Variants in CPQ observed in about 807,000 individuals in gnomAD.
The protein encoded by CPQ is Ser-Met dipeptidase.
Under a neutral mutation model 45.7 loss-of-function variants are expected in CPQ, and 37 were observed. That is an observed-to-expected ratio of 0.81 (90% confidence interval 0.62 to 1.07). The LOEUF is 1.07. Ranked by LOEUF, CPQ falls within the 50% of genes least tolerant of loss-of-function variation. The pLI, the probability that CPQ is intolerant of heterozygous loss-of-function variation, is 0.00. For missense variants in CPQ, 537 were observed against 572.9 expected (o/e 0.94, Z 0.64); for synonymous variants, 186 against 205.8 (o/e 0.90, Z 0.82).
At chr8:97,086,926 CAAAAG>C (rs1375651211) in intron 7 of CPQ, among the ~76,000 whole-genome samples, 1 of 152,250 alleles carries the variant, frequency 6.6e-6, no homozygotes, top group Non-Finnish European at 1.5e-5. Context: ...TTTTCCTACA[CAAAAG>C]AAAAGAAAGC....
chr8:96,874,529 T>A (rs1033398220), intron 3 of CPQ, among the ~76,000 whole-genome samples: 9 of 151,850 alleles, frequency 5.9e-5, no homozygotes, highest in Non-Finnish European at 1.0e-4. Context: ...ATTTCCTTTA[T>A]TGAATTTACA....
At chr8:97,014,031 C>G (rs564817482) in intron 5 of CPQ, among the ~76,000 whole-genome samples, 56 of 152,166 alleles carry the variant, frequency 3.7e-4, no homozygotes, top group Non-Finnish European at 6.9e-4. Context: ...AGGCAGATGA[C>G]TGCTATAGGT....
At chr8:96,883,242 G>T (rs1050913780) in intron 4 of CPQ, among the ~76,000 whole-genome samples, 10 of 152,122 alleles carry the variant, frequency 6.6e-5, no homozygotes, top group Non-Finnish European at 1.3e-4. Flanking sequence ...GAACATTCTT[G>T]TACTAGTCTT....
intron 4 of CPQ, among the ~76,000 whole-genome samples, chr8:96,889,472 T>A (rs1196646073): frequency 6.6e-6 from 1 of 152,160 alleles, no homozygotes; most frequent in African/African-American, 2.4e-5. Context: ...CTTTGCTGGG[T>A]GTATTAGGGT....
intron 2 of CPQ, among the ~76,000 whole-genome samples, chr8:96,814,126 C>A (rs1811195352): frequency 6.6e-6 from 1 of 151,736 alleles, no homozygotes; most frequent in African/African-American, 2.4e-5. Flanking sequence ...TGTCCACTTA[C>A]CTAAATCAAG....
At chr8:96,657,841 C>T (rs1815655394) in intron 1 of CPQ, among the ~76,000 whole-genome samples, 1 of 152,208 alleles carries the variant, frequency 6.6e-6, no homozygotes, top group Admixed American at 6.5e-5. Flanking sequence ...ACATACCTCT[C>T]TCCTTTCATA....
intron 2 of CPQ, among the ~76,000 whole-genome samples, chr8:96,800,636 T>C (rs1273381454): frequency 6.6e-6 from 1 of 152,054 alleles, no homozygotes; most frequent in Non-Finnish European, 1.5e-5. Context: ...TTGGAAGCAA[T>C]AGACTAATGT....
At chr8:96,777,437 G>T (rs1810619219) in intron 1 of CPQ, among the ~76,000 whole-genome samples, 1 of 151,900 alleles carries the variant, frequency 6.6e-6, no homozygotes, top group Non-Finnish European at 1.5e-5. Flanking sequence ...AAGGGAAGGA[G>T]GGAGAATTCC....
At chr8:97,090,574 T>G (rs1811110157) in intron 7 of CPQ, among the ~76,000 whole-genome samples, 1 of 152,146 alleles carries the variant, frequency 6.6e-6, no homozygotes, top group African/African-American at 2.4e-5. Flanking sequence ...ACTCTCTAAC[T>G]GGTGTCCTTG....
chr8:96,654,881 A>G (rs1292172813), intron 1 of CPQ, among the ~76,000 whole-genome samples: 2 of 151,190 alleles, frequency 1.3e-5, no homozygotes, highest in East Asian at 3.9e-4. Context: ...ATGCCTTCCT[A>G]CCTTAAATCT....
At chr8:96,928,911 G>C (rs1812931454) in intron 4 of CPQ, among the ~76,000 whole-genome samples, 1 of 152,180 alleles carries the variant, frequency 6.6e-6, no homozygotes, top group Non-Finnish European at 1.5e-5. Context: ...GCTTTCTGCT[G>C]AGTCTGAACA....
intron 7 of CPQ, among the ~76,000 whole-genome samples, chr8:97,128,511 C>T (rs1811883775): frequency 6.6e-6 from 1 of 152,282 alleles, no homozygotes; most frequent in African/African-American, 2.4e-5. Flanking sequence ...TCGGTGAAAC[C>T]TCGTTTCTAC....
At chr8:96,895,799 A>G (rs1336029011) in intron 4 of CPQ, among the ~76,000 whole-genome samples, 1 of 152,168 alleles carries the variant, frequency 6.6e-6, no homozygotes, top group Admixed American at 6.6e-5. Context: ...TTCTCTGCAC[A>G]TTCTTGATTC....
At chr8:97,015,388 A>G (rs1809561097) in intron 5 of CPQ, among the ~76,000 whole-genome samples, 5 of 152,090 alleles carry the variant, frequency 3.3e-5, no homozygotes, top group Admixed American at 3.3e-4. Context: ...TGTGTTGATA[A>G]AAGAGCCCTA....
chr8:97,133,949 T>C (rs1037121709), intron 7 of CPQ, among the ~76,000 whole-genome samples: 3 of 152,204 alleles, frequency 2.0e-5, no homozygotes, highest in African/African-American at 7.2e-5. Flanking sequence ...TATAAGAACA[T>C]ACTGAGTTCT....
At chr8:96,756,466 A>G (rs1810327989) in intron 1 of CPQ, among the ~76,000 whole-genome samples, 1 of 152,114 alleles carries the variant, frequency 6.6e-6, no homozygotes, top group Non-Finnish European at 1.5e-5. Context: ...AAAGTCAAAT[A>G]CTGGTGGAAT....
intron 1 of CPQ, among the ~76,000 whole-genome samples, chr8:96,647,456 A>G (rs1815531009): frequency 1.3e-5 from 2 of 152,204 alleles, no homozygotes; most frequent in Non-Finnish European, 2.9e-5. Flanking sequence ...ATCACTATAT[A>G]TCTAAGAGCT....
At chr8:96,967,158 A>G (rs555001032) in intron 5 of CPQ, among the ~76,000 whole-genome samples, 192 of 152,308 alleles carry the variant, frequency 1.3e-3, no homozygotes, top group African/African-American at 4.4e-3. Context: ...TCCAGAAAGA[A>G]GTGGGTTCTA....
chr8:97,121,188 A>G (rs1811696449), intron 7 of CPQ, among the ~76,000 whole-genome samples: 1 of 152,228 alleles, frequency 6.6e-6, no homozygotes, highest in East Asian at 1.9e-4. Context: ...AATACATAAC[A>G]TGTGTTCTAC....
Sources: allele counts gnomAD v4.1 joint callset (sites outside exome capture counted in the v4.1 genomes callset), GRCh38; gene constraint gnomAD v4.1.1; transcripts MANE v1.5; gene names NCBI Gene and HGNC (gene_info 2026-07-23, HGNC 2026-07-21).